ZFYVE16: variants seen among roughly 807,000 people sequenced by gnomAD.
The protein encoded by ZFYVE16 is zinc finger FYVE domain-containing protein 16.
In ZFYVE16, 89 loss-of-function variants were observed where a neutral mutation model predicts 138.1. That is an observed-to-expected ratio of 0.64 (90% CI 0.54 to 0.77). The LOEUF (loss-of-function observed/expected upper bound fraction) is 0.77, where lower values mean the gene tolerates loss of function less well. Ranked by LOEUF, ZFYVE16 falls within the 30% of genes least tolerant of loss-of-function variation. The pLI is 0.00. For synonymous variants in ZFYVE16, 596 were observed against 618.3 expected (o/e 0.96, Z 0.53); for missense variants, 1,793 against 1,786.7 (o/e 1.00, Z -0.06).
At chr5:80,413,823 T>C (rs372204722) in intron 1 of ZFYVE16, among the ~76,000 whole-genome samples, 5 of 152,340 alleles carry the variant, frequency 3.3e-5, no homozygotes, top group African/African-American at 4.8e-5. Context: ...TATTTAGATA[T>C]ATGGCGATAT....
At chr5:80,443,744 G>A in intron 6 of ZFYVE16, 1 of 456,350 alleles carries the variant, frequency 2.2e-6, no homozygotes, top group Non-Finnish European at 4.4e-6. Context: ...GCAGGAACCA[G>A]AAACAAAGAA....
Position 80,481,235 on chromosome 5 carries a change from C to T in ZFYVE16, c.*3858C>T, listed in dbSNP as rs1263488765. On this transcript the variant is annotated 3_prime_UTR_variant, in exon 19 of 19. Transcript: ENST00000505560. The stretch of plus-strand genomic sequence containing the variant: ...TAGTGGCAGACATTGCAGGGCAGAA[C>T]ACTGGCAATGGGGAGGCTAACGCCC... Among the ~76,000 whole-genome samples the T allele has an allele frequency of 6.6e-6, 1 of 152,142 alleles. No individual in the cohort carries two copies. The highest frequency in any genetic ancestry group is 6.5e-5 in the Admixed American group (1 of 15,282).
Position 80,437,097 on chromosome 5 carries a change from C to A in ZFYVE16, c.412C>A (p.His138Asn). The A allele has an allele frequency of 6.2e-7, 1 of 1,614,066 alleles. No individual in the cohort carries two copies. The highest frequency in any genetic ancestry group is 8.5e-7 in the Non-Finnish European group (1 of 1,179,984). The change falls in exon 4 of 19, where the codon CAT (histidine) becomes AAT (asparagine). Residue 138 changes from histidine to asparagine, a missense_variant. Around this residue, in one of 2 missense-constraint regions of ZFYVE16, gnomAD observed 1,295 missense variants for 1,204.3 expected, o/e 1.08. Coordinates refer to ENST00000505560, the MANE Select transcript of ZFYVE16 (RefSeq NM_001284236.3). ...DLISDMGNLV[H>N]ATNSEEDIKK... is the part of the protein sequence containing the mutation. Reference sequence around the variant, plus strand: ...GATAAGTGACATGGGTAACTTAGTTCATGCAACCAATAGTGAAGAAGATAT... The same window carrying A: ...GATAAGTGACATGGGTAACTTAGTTAATGCAACCAATAGTGAAGAAGATAT...
intron 11 of ZFYVE16, among the ~76,000 whole-genome samples, chr5:80,452,914 G>A (rs1398529613): frequency 6.6e-6 from 1 of 152,084 alleles, no homozygotes; most frequent in African/African-American, 2.4e-5. Flanking sequence ...TTCTGAGTTA[G>A]AATCATTTCT....
In ZFYVE16 at chr5:80,408,112, T is replaced by A. The variant is rs578004099; in HGVS notation, c.-135T>A. 2.0e-5 allele frequency: 3 copies of A among 152,274 alleles called. No individual in the cohort carries two copies. Among genetic ancestry groups the A allele is most frequent in the African/African-American group, 7.2e-5 (3 of 41,560 alleles). The allele number at this position is 152,274 out of a possible 1,614,324, so 9.4% of individuals were successfully genotyped here. A position where few individuals can be genotyped will look rare whatever the true frequency, so the allele number is the denominator to read the frequency against. Reference sequence around the variant, plus strand: ...TAGCTCTTCACTCCTCAGCGCGACGTCGTGTCGAGTTCCCAAAAAGCTCCG... The same window carrying A: ...TAGCTCTTCACTCCTCAGCGCGACGACGTGTCGAGTTCCCAAAAAGCTCCG... On this transcript the variant is annotated 5_prime_UTR_variant, in exon 1 of 19. Coordinates refer to ENST00000505560, the MANE Select transcript of ZFYVE16 (RefSeq NM_001284236.3).
At chr5:80,457,285 G>A (rs1752619239) in intron 14 of ZFYVE16, among the ~76,000 whole-genome samples, 193 bp downstream of exon 14, 1 of 152,136 alleles carries the variant, frequency 6.6e-6, no homozygotes. Flanking sequence ...GCTACTTTAG[G>A]CTTACAGACT....
chr5:80,462,847 G>A (rs975879614), intron 15 of ZFYVE16, among the ~76,000 whole-genome samples: 4 of 152,164 alleles, frequency 2.6e-5, no homozygotes, highest in Non-Finnish European at 4.4e-5. Flanking sequence ...AACTGAAGGG[G>A]CTACAGGCCC....
At chr5:80,442,653 C>T (rs752016505) in intron 5 of ZFYVE16, among the ~76,000 whole-genome samples, 2 of 152,148 alleles carry the variant, frequency 1.3e-5, no homozygotes, top group African/African-American at 2.4e-5. Context: ...AAACAGGTAA[C>T]TGGGAAAGTG....
intron 14 of ZFYVE16, 109 bp from the exon 15 acceptor site, chr5:80,459,305 G>T (rs983112721): frequency 2.8e-6 from 2 of 720,124 alleles, no homozygotes. Context: ...AGTTGTGTGG[G>T]TATAACATTT....
rs1750334443 is a variant in ZFYVE16 at position 80,438,917 on chromosome 5, G to A, written c.2232G>A (p.Trp744Ter). 1.9e-6 allele frequency: 3 copies of A among 1,613,926 alleles called. No homozygotes were observed. Among genetic ancestry groups the A allele is most frequent in the Non-Finnish European group, 2.5e-6 (3 of 1,179,958 alleles). The change falls in exon 4 of 19, where the codon TGG (tryptophan) becomes TGA (stop). Residue 744 changes from tryptophan to a stop codon, truncating the protein, a stop_gained. Transcript: ENST00000505560. LOFTEE classifies it high-confidence loss of function. Reference sequence around the variant, plus strand: ...TTTTGGGCCAGAAACAGCCTACTTGGGTTCCTGATTCAGAAGCTCCAAACT... The same window carrying A: ...TTTTGGGCCAGAAACAGCCTACTTGAGTTCCTGATTCAGAAGCTCCAAACT... ...GLVLGQKQPT[W>*]VPDSEAPNCM... is the part of the protein sequence containing the mutation.
chr5:80,412,555 T>C (rs1745605011), intron 1 of ZFYVE16, among the ~76,000 whole-genome samples: 1 of 152,188 alleles, frequency 6.6e-6, no homozygotes, highest in Non-Finnish European at 1.5e-5. Context: ...TCATACCTTT[T>C]ACAAATTATA....
rs765612471 is a variant in ZFYVE16 at position 80,434,101 on chromosome 5, T to C, written c.-39-8T>C. 1 of 1,540,624 alleles carries C rather than the reference T, an allele frequency of 6.5e-7. No homozygotes were observed. The highest frequency in any genetic ancestry group is 1.4e-5 in the African/African-American group (1 of 73,172). Reference sequence around the variant, plus strand: ...AAATGAAATATTATTATACTTTCTATTTTTTAGGCATACAAGAATTAAATT... The same window carrying C: ...AAATGAAATATTATTATACTTTCTACTTTTTAGGCATACAAGAATTAAATT... On this transcript the variant is annotated splice_polypyrimidine_tract_variant and splice_region_variant and intron_variant, in intron 2 of 18. Transcript: ENST00000505560.
intron 1 of ZFYVE16, among the ~76,000 whole-genome samples, chr5:80,409,138 T>G (rs190701597): frequency 5.2e-5 from 7 of 135,028 alleles, no homozygotes; most frequent in Non-Finnish European, 9.4e-5. Context: ...CTTTGAGTCT[T>G]TTTTTCCCCT....
intron 16 of ZFYVE16, among the ~76,000 whole-genome samples, 157 bp downstream of exon 16, chr5:80,473,080 C>T (rs1754547080): frequency 1.3e-5 from 2 of 152,130 alleles, no homozygotes. Context: ...CTTTTTCAAA[C>T]ATGTGCCTAA....
At chr5:80,439,614 A>G (rs982902791) in intron 4 of ZFYVE16, among the ~76,000 whole-genome samples, 23 of 152,180 alleles carry the variant, frequency 1.5e-4, no homozygotes, top group African/African-American at 5.5e-4. Flanking sequence ...TACTTTAAAA[A>G]GTTTTAAATG....
chr5:80,437,724 A>G lies in ZFYVE16; in HGVS notation c.1039A>G (p.Lys347Glu), dbSNP rs1312253492. The G allele has an allele frequency of 2.5e-6, 4 of 1,613,998 alleles. No homozygotes were observed. The highest frequency in any genetic ancestry group is 3.4e-6 in the Non-Finnish European group (4 of 1,179,992). The change falls in exon 4 of 19, where the codon AAA becomes GAA. Residue 347 changes from lysine to glutamate, a missense_variant. Around this residue, in one of 2 missense-constraint regions of ZFYVE16, gnomAD observed 1,295 missense variants for 1,204.3 expected, o/e 1.08. Coordinates refer to ENST00000505560, the MANE Select transcript of ZFYVE16 (RefSeq NM_001284236.3). The stretch of plus-strand genomic sequence containing the variant: ...AAAACAATCTGCACAAGAAGACTCA[A>G]AAAGTTTAGACCTTAAGGATAATGA... ...VIKQSAQEDS[K>E]SLDLKDNDVI...
chr5:80,436,331 A>C (rs1749900763), intron 3 of ZFYVE16, among the ~76,000 whole-genome samples: 1 of 152,232 alleles, frequency 6.6e-6, no homozygotes, highest in African/African-American at 2.4e-5. Context: ...CAACTTGAGG[A>C]GTCCTCCCAA....
intron 1 of ZFYVE16, among the ~76,000 whole-genome samples, chr5:80,422,122 C>T (rs1412038597): frequency 6.6e-6 from 1 of 152,118 alleles, no homozygotes; most frequent in Non-Finnish European, 1.5e-5. Context: ...TATAAGAATG[C>T]TTGTGATTTT....
Position 80,472,711 on chromosome 5 carries a change from T to C in ZFYVE16, c.4025-50T>C, listed in dbSNP as rs745449947. ...GATAGCAAATTTTATGGCTTAGATA[T>C]ACACATTGGTATTTGGCAAAAGAAA... On this transcript the variant is annotated intron_variant, in intron 15 of 18. Coordinates refer to ENST00000505560, the MANE Select transcript of ZFYVE16 (RefSeq NM_001284236.3). The C allele has an allele frequency of 5.1e-6, 8 of 1,564,076 alleles. No homozygotes were observed. In the South Asian group the frequency reaches 5.9e-5, roughly 12 times the overall value.
Sources: gnomAD v4.1 joint callset for allele counts (sites outside exome capture counted in the v4.1 genomes callset) on GRCh38, gnomAD v4.1.1 for gene constraint, gnomAD v4.1.1 regional missense constraint, MANE v1.5 for transcripts, NCBI Gene and HGNC (gene_info 2026-07-23, HGNC 2026-07-21) for gene names.